DNAH11: variants seen among roughly 807,000 people sequenced by gnomAD.
DNAH11 encodes the protein dynein axonemal heavy chain 11.
Under a neutral mutation model 526.0 loss-of-function variants are expected in DNAH11, and 442 were observed. The ratio of observed to expected loss-of-function variants is 0.84; its 90% CI spans 0.78 to 0.91. The LOEUF (loss-of-function observed/expected upper bound fraction) is 0.91, where lower values mean the gene tolerates loss of function less well. Among genes scored for constraint, DNAH11 ranks in the 40% least tolerant of loss-of-function variants. The pLI, the probability that DNAH11 is intolerant of heterozygous loss-of-function variation, is 0.00. For synonymous variants in DNAH11, 2,461 were observed against 1,935.9 expected (o/e 1.27, Z -7.12); for missense variants, 6,989 against 5,448.7 (o/e 1.28, Z -8.90).
At chr7:21,820,000 C>G (rs979669) in intron 65 of DNAH11, among the ~76,000 whole-genome samples, 140,934 of 152,260 alleles carry the variant, frequency 0.93, 65,311 homozygotes, top group Middle Eastern at 0.95. Context: ...GCATGCAGTT[C>G]TTACCTTAAT....
At chr7:21,728,492 C>T (rs1308734192) in intron 45 of DNAH11, among the ~76,000 whole-genome samples, 2 of 151,992 alleles carry the variant, frequency 1.3e-5, no homozygotes, top group East Asian at 3.9e-4. Context: ...CTCCTGACCT[C>T]AAGTGATGCA....
intron 35 of DNAH11, among the ~76,000 whole-genome samples, 193 bp from the exon 36 acceptor site, chr7:21,697,882 A>AT (rs945084871): frequency 6.6e-6 from 1 of 152,040 alleles, no homozygotes; most frequent in African/African-American, 2.4e-5. Flanking sequence ...ACTTTCTATC[A>AT]TTTTTTGTGT....
At chr7:21,773,469 C>G (rs535141780) in intron 55 of DNAH11, among the ~76,000 whole-genome samples, 2 of 151,756 alleles carry the variant, frequency 1.3e-5, no homozygotes, top group African/African-American at 4.8e-5. Context: ...TTCACACACT[C>G]GGTAGATAAA....
At chr7:21,632,045 A>G (rs950052650) in intron 25 of DNAH11, among the ~76,000 whole-genome samples, 2 of 152,070 alleles carry the variant, frequency 1.3e-5, no homozygotes, top group Non-Finnish European at 2.9e-5. Flanking sequence ...TCAGTTCTTG[A>G]CTTTTGTGCA....
At chr7:21,672,614 G>T (rs1341059039) in intron 30 of DNAH11, among the ~76,000 whole-genome samples, 1 of 152,182 alleles carries the variant, frequency 6.6e-6, no homozygotes, top group African/African-American at 2.4e-5. Context: ...CTGCAGAGTG[G>T]CCTCTTCCAG....
chr7:21,780,942 G>C (rs545690376), intron 57 of DNAH11, among the ~76,000 whole-genome samples: 41 of 152,316 alleles, frequency 2.7e-4, no homozygotes, highest in South Asian at 1.2e-3. Flanking sequence ...GATATTTTGA[G>C]ATAAGTGCTC....
At chr7:21,812,950 C>G (rs953076512) in intron 63 of DNAH11, among the ~76,000 whole-genome samples, 1 of 151,984 alleles carries the variant, frequency 6.6e-6, no homozygotes, top group African/African-American at 2.4e-5. Flanking sequence ...TTAAGACAAG[C>G]AGGTAGAGAA....
chr7:21,862,121 A>AAT, intron 69 of DNAH11, 98 bp downstream of exon 69: 6 of 1,005,988 alleles, frequency 6.0e-6, no homozygotes, highest in Non-Finnish European at 6.7e-6. Flanking sequence ...AATATAATAG[A>AAT]CTTTTTTTTT....
intron 37 of DNAH11, 85 bp downstream of exon 37, chr7:21,702,887 T>A: frequency 8.6e-7 from 1 of 1,168,652 alleles, no homozygotes; most frequent in Non-Finnish European, 1.2e-6. Context: ...TGGTGGGGCA[T>A]GGACAGCACA....
chr7:21,831,065 G>A (rs1583748564), intron 65 of DNAH11, among the ~76,000 whole-genome samples: 1 of 152,200 alleles, frequency 6.6e-6, no homozygotes, highest in Non-Finnish European at 1.5e-5. Flanking sequence ...GTGTGATGCA[G>A]TGACAAGGGC....
At chr7:21,872,022 G>T (rs1201509569) in intron 73 of DNAH11, among the ~76,000 whole-genome samples, 1 of 148,968 alleles carries the variant, frequency 6.7e-6, no homozygotes, top group Non-Finnish European at 1.5e-5. Flanking sequence ...TACTCGGGAG[G>T]CTGAGGCAGG....
chr7:21,739,511 G>A, intron 47 of DNAH11, 60 bp from the exon 48 acceptor site: 1 of 1,307,096 alleles, frequency 7.7e-7, no homozygotes. Context: ...TGAACTGTTA[G>A]ATTTTGCTCT....
chr7:21,732,446 C>T (rs55874135), intron 45 of DNAH11, among the ~76,000 whole-genome samples: 14,926 of 152,078 alleles, frequency 0.098, 1,083 homozygotes, highest in African/African-American at 0.21. Flanking sequence ...TAGGGCTTCA[C>T]GACATGAATG....
intron 22 of DNAH11, among the ~76,000 whole-genome samples, chr7:21,616,815 G>A (rs1269956836): frequency 3.9e-5 from 6 of 152,268 alleles, no homozygotes; most frequent in South Asian, 4.1e-4. Flanking sequence ...GGAATTTGAT[G>A]TCTATTCTGC....
chr7:21,622,141 G>A (rs962142184), intron 25 of DNAH11, among the ~76,000 whole-genome samples: 5 of 152,136 alleles, frequency 3.3e-5, no homozygotes, highest in East Asian at 1.9e-4. Context: ...CAAAATCAAC[G>A]TACAAAAATC....
chr7:21,588,445 A>G lies in DNAH11; in HGVS notation c.1849-67A>G, dbSNP rs566174386. On this transcript the variant is annotated intron_variant, in intron 10 of 81. Coordinates refer to ENST00000409508, the MANE Select transcript of DNAH11 (RefSeq NM_001277115.2). The stretch of plus-strand genomic sequence containing the variant: ...AAAATACCAAAATGAAAAATTGCTT[A>G]CAGGGTTGGAAACCATTCTGACTAA... The G allele has an allele frequency of 1.2e-5, 19 of 1,573,680 alleles. No homozygotes were observed. The South Asian group carries it at 2.1e-4, about 17-fold the overall frequency.
chr7:21,705,281 G>A (rs1784220872), intron 38 of DNAH11, among the ~76,000 whole-genome samples, 179 bp from the exon 39 acceptor site: 1 of 152,158 alleles, frequency 6.6e-6, no homozygotes, highest in Non-Finnish European at 1.5e-5. Context: ...TGGTCTACAT[G>A]GGAGATCCAG....
intron 20 of DNAH11, among the ~76,000 whole-genome samples, chr7:21,613,058 A>G (rs1398417984): frequency 2.6e-5 from 4 of 152,198 alleles, no homozygotes; most frequent in East Asian, 1.9e-4. Flanking sequence ...TTCCAGAAGC[A>G]TTAGTAATAA....
rs747171868 is a variant in DNAH11, at chr7:21,900,994, G to GT, written c.13304-8dup. The GT allele has an allele frequency of 2.5e-6, 4 of 1,573,092 alleles. No homozygotes were observed. The highest frequency in any genetic ancestry group is 3.4e-6 in the Non-Finnish European group (4 of 1,160,128). ...GCTGCCACACAATTGCAACCGCTGT[G>GT]TTTTTGCCATAGGCGCCCGCTGGGA... On this transcript the variant is annotated splice_polypyrimidine_tract_variant and intron_variant, in intron 81 of 81. Transcript: ENST00000409508.
Sources: gnomAD v4.1 joint callset for allele counts (sites outside exome capture counted in the v4.1 genomes callset) on GRCh38, gnomAD v4.1.1 for gene constraint, MANE v1.5 for transcripts, NCBI Gene and HGNC (gene_info 2026-07-23, HGNC 2026-07-21) for gene names.